Variants in ZFP2 observed in about 807,000 individuals in gnomAD.
The protein encoded by ZFP2 is zinc finger protein ZFP2.
Under a neutral mutation model 36.1 loss-of-function variants are expected in ZFP2, and 33 were observed. The observed-to-expected ratio is 0.92, with a 90% confidence interval of 0.69 to 1.22. The LOEUF is 1.22. Ranked by LOEUF, ZFP2 falls within the 50% of genes most tolerant of loss-of-function variation. The pLI, the probability that ZFP2 is intolerant of heterozygous loss-of-function variation, is 0.00. For synonymous variants in ZFP2, 170 were observed against 178.0 expected, an observed-to-expected ratio of 0.96 and a Z score of 0.36; for missense variants, 522 against 551.4, an observed-to-expected ratio of 0.95 and a Z score of 0.53.
intron 1 of ZFP2, chr5:178,910,228 C>G: frequency 6.3e-7 from 1 of 1,580,740 alleles, no homozygotes; most frequent in East Asian, 2.2e-5. Flanking sequence ...AACTTCCAAG[C>G]CAAGAGCAGC....
At position 178,931,880 on chromosome 5, in the gene ZFP2, A is replaced by G. The variant is rs1232278749; in HGVS notation, c.567A>G (p.Lys189=). 2 of 1,612,586 alleles carry G rather than the reference A, an allele frequency of 1.2e-6. No individual in the cohort carries two copies. The highest frequency in any genetic ancestry group is 2.2e-5 in the East Asian group (1 of 44,858). Residue 189 remains lysine (K), a synonymous_variant, in exon 5 of 5, where the codon AAA becomes AAG. Transcript: ENST00000361362. ...THTGEKPYQC[K]ECGKAFHKNS... ...CCGGAGAGAAACCCTATCAGTGTAA[A>G]GAGTGTGGCAAAGCCTTCCATAAGA...
chr5:178,906,696 C>T (rs182478078), intron 1 of ZFP2, among the ~76,000 whole-genome samples: 26 of 152,134 alleles, frequency 1.7e-4, no homozygotes, highest in Admixed American at 1.6e-3. Context: ...GCTGGGACTA[C>T]AGGTACACGC....
chr5:178,906,881 T>TTA (rs1554106020), intron 1 of ZFP2, among the ~76,000 whole-genome samples: 1 of 149,228 alleles, frequency 6.7e-6, no homozygotes, highest in African/African-American at 2.5e-5. Flanking sequence ...TTTTTTTTTT[T>TTA]AATAAGTTTT....
chr5:178,899,040 C>G (rs928219372), intron 1 of ZFP2, among the ~76,000 whole-genome samples: 3 of 152,044 alleles, frequency 2.0e-5, no homozygotes, highest in Non-Finnish European at 4.4e-5. Context: ...TATCCGTATT[C>G]CAAGCTGGAG....
intron 4 of ZFP2, among the ~76,000 whole-genome samples, chr5:178,920,035 G>A (rs978888016): frequency 6.6e-6 from 1 of 151,966 alleles, no homozygotes; most frequent in Non-Finnish European, 1.5e-5. Context: ...TGTTCCTATA[G>A]GTTGAAATCT....
In ZFP2 at chr5:178,932,726, A is replaced by G. The variant is rs749102917; in HGVS notation, c.*27A>G. 1.9e-6 allele frequency: 3 copies of G among 1,544,360 alleles called. No individual in the cohort carries two copies. Among genetic ancestry groups the G allele is most frequent in the African/African-American group, 2.8e-5 (2 of 72,394 alleles). On this transcript the variant is annotated 3_prime_UTR_variant, in exon 5 of 5. Transcript: ENST00000361362. ...GAATGTTTTCACTGGCCCTTACCTC[A>G]TGATTAACTCTTCAGTAATAATCAT...
At chr5:178,909,969 G>C in intron 1 of ZFP2, 1 of 1,401,480 alleles carries the variant, frequency 7.1e-7, no homozygotes, top group South Asian at 1.2e-5. Flanking sequence ...CAATACTGGA[G>C]AATTGTTCTG....
At position 178,916,545 on chromosome 5, in the gene ZFP2, C is replaced by G; in HGVS notation, c.-223-20C>G. ...CATAGAACATGATGATTTGCAAACT[C>G]CAGATCTTGTTCTTTCCAGATTTTC... On this transcript the variant is annotated intron_variant, in intron 3 of 4. Coordinates refer to ENST00000361362, the MANE Select transcript of ZFP2 (RefSeq NM_030613.4). 3 of 985,368 alleles carry G rather than the reference C, an allele frequency of 3.0e-6. No homozygotes were observed. The highest frequency in any genetic ancestry group is 3.6e-6 in the Non-Finnish European group (3 of 829,918). The allele number at this position is 985,368 out of a possible 1,614,324, so 61.0% of individuals were successfully genotyped here.
Position 178,931,352 on chromosome 5 carries a change from A to T in ZFP2, c.39A>T (p.Glu13Asp). 4 of 1,612,630 alleles carry T rather than the reference A, an allele frequency of 2.5e-6. No individual in the cohort carries two copies. The highest frequency in any genetic ancestry group is 3.4e-6 in the Non-Finnish European group (4 of 1,179,476). ...REGIWHSTLG[E>D]TWEPNNWLEG... Reference sequence around the variant, plus strand: ...GTATCTGGCATTCTACTCTAGGGGAAACCTGGGAACCTAATAATTGGTTAG... The same window carrying T: ...GTATCTGGCATTCTACTCTAGGGGATACCTGGGAACCTAATAATTGGTTAG... Residue 13 changes from glutamate (E) to aspartate (D), a missense_variant, in exon 5 of 5, where the codon GAA (glutamate) becomes GAT (aspartate). Physicochemically the swap from Glu to Asp is conservative, Grantham distance 45. Transcript: ENST00000361362.
chr5:178,899,768 C>T (rs1265608486), intron 1 of ZFP2, among the ~76,000 whole-genome samples: 1 of 151,726 alleles, frequency 6.6e-6, no homozygotes, highest in Admixed American at 6.6e-5. Flanking sequence ...AGACTTGGCC[C>T]TAACTTCTTT....
intron 4 of ZFP2, chr5:178,922,792 C>G (rs2113109854): frequency 7.0e-7 from 1 of 1,433,538 alleles, no homozygotes; most frequent in African/African-American, 1.4e-5. Flanking sequence ...TGGTCAAAGC[C>G]AAGCAGTTCC....
rs1209185649 is a variant in ZFP2, at chr5:178,917,622, A to G, written c.-78+912A>G. Among the ~76,000 whole-genome samples the G allele has an allele frequency of 2.0e-5, 3 of 152,144 alleles. No homozygotes were observed. In the East Asian group the frequency reaches 5.8e-4, roughly 29 times the overall value. ...AGAGCAAGACTCCATCTCAAAAAAAAAAAAAATTTTCAGAGATGTACTGGA... is the reference window on the plus strand; with the variant it reads ...AGAGCAAGACTCCATCTCAAAAAAAGAAAAAATTTTCAGAGATGTACTGGA... On this transcript the variant is annotated intron_variant, in intron 4 of 4. Coordinates refer to ENST00000361362, the MANE Select transcript of ZFP2 (RefSeq NM_030613.4).
chr5:178,912,741 A>G (rs1009126233), intron 2 of ZFP2, 22 bp downstream of exon 2: 1 of 1,060,982 alleles, frequency 9.4e-7, no homozygotes, highest in Non-Finnish European at 1.2e-6. Context: ...TTGTAACTCA[A>G]AACCCACCTC....
chr5:178,906,037 G>A (rs1190793125), intron 1 of ZFP2, among the ~76,000 whole-genome samples: 1 of 152,204 alleles, frequency 6.6e-6, no homozygotes, highest in Non-Finnish European at 1.5e-5. Context: ...TTACAGGCGT[G>A]AGCCACCATG....
At chr5:178,896,479 C>T (rs1015595930) in intron 1 of ZFP2, among the ~76,000 whole-genome samples, 1 of 152,188 alleles carries the variant, frequency 6.6e-6, no homozygotes. Flanking sequence ...AGCATCTGCC[C>T]TTTGTGTAAA....
Position 178,931,253 on chromosome 5 carries a change from T to G in ZFP2, c.-61T>G. On this transcript the variant is annotated 5_prime_UTR_variant, in exon 5 of 5. Transcript: ENST00000361362. Reference sequence around the variant, plus strand: ...TTTTTTCAGACTGGGAGACAAGACTTGAAACCAAAGAGCCAACTCCGAAGC... The same window carrying G: ...TTTTTTCAGACTGGGAGACAAGACTGGAAACCAAAGAGCCAACTCCGAAGC... The G allele has an allele frequency of 6.6e-7, 1 of 1,520,118 alleles. No individual in the cohort carries two copies. The allele number at this position is 1,520,118 out of a possible 1,614,324, so 94.2% of individuals were successfully genotyped here.
At chr5:178,922,446 T>TA in intron 4 of ZFP2, 1 of 1,378,814 alleles carries the variant, frequency 7.3e-7, no homozygotes, top group Non-Finnish European at 1.0e-6. Flanking sequence ...GTGCCTTACT[T>TA]ATGTTTGTTA....
At chr5:178,916,281 G>A (rs1421532592) in intron 3 of ZFP2, among the ~76,000 whole-genome samples, 1 of 152,204 alleles carries the variant, frequency 6.6e-6, no homozygotes, top group Non-Finnish European at 1.5e-5. Context: ...TTAGTGCTGA[G>A]AGAAATACGC....
intron 1 of ZFP2, among the ~76,000 whole-genome samples, chr5:178,912,287 C>T (rs918450162): frequency 2.6e-5 from 4 of 152,220 alleles, no homozygotes; most frequent in Admixed American, 2.6e-4. Context: ...TTCCTTCCTT[C>T]ACCAATGAGG....
Sources: gnomAD v4.1 joint callset for allele counts (sites outside exome capture counted in the v4.1 genomes callset) on GRCh38, gnomAD v4.1.1 for gene constraint, MANE v1.5 for transcripts, NCBI Gene and HGNC (gene_info 2026-07-23, HGNC 2026-07-21) for gene names.